The following CAPN2 variants were observed in gnomAD, a reference collection of about 807,000 sequenced individuals.
CAPN2 encodes calpain 2.
A neutral mutation model predicts 102.3 loss-of-function variants in CAPN2; 92 were observed. The observed-to-expected ratio is 0.90, with a 90% confidence interval of 0.76 to 1.07. The LOEUF (loss-of-function observed/expected upper bound fraction) is 1.07. Among genes scored for constraint, CAPN2 ranks in the 50% least tolerant of loss-of-function variants. The pLI is 0.00. For missense variants in CAPN2, 800 were observed against 909.4 expected (o/e 0.88, Z 1.55); for synonymous variants, 340 against 355.4 (o/e 0.96, Z 0.49).
rs1261026519 is a variant in CAPN2, at chr1:223,727,923, A to C, written c.307+10092A>C. On this transcript the variant is annotated intron_variant, in intron 2 of 20. Transcript: ENST00000295006. This position sits in a 1 kb window ranked among gnomAD's most constrained non-coding sequence, Gnocchi z 4.1. ...ACACATCAGCAGGGAGACAGTGGGAACATCTCAGGTCCAGGGTACCTTGGG... is the reference window on the plus strand; with the variant it reads ...ACACATCAGCAGGGAGACAGTGGGACCATCTCAGGTCCAGGGTACCTTGGG... Among the ~76,000 whole-genome samples, 1 of 152,118 alleles carries C rather than the reference A, an allele frequency of 6.6e-6. No homozygotes were observed. Among genetic ancestry groups the C allele is most frequent in the African/African-American group, 2.4e-5 (1 of 41,416 alleles).
rs1168186303 is a variant in CAPN2, at chr1:223,755,637, T to A, written c.1293T>A (p.Phe431Leu). 2 of 1,597,852 alleles carry A rather than the reference T, an allele frequency of 1.3e-6. No individual in the cohort carries two copies. The highest frequency in any genetic ancestry group is 3.4e-5 in the Admixed American group (2 of 59,070). Residue 431 changes from phenylalanine (F) to leucine (L), a missense_variant, in exon 10 of 21, where the codon TTT (phenylalanine) becomes TTA (leucine). By Grantham distance (22) the Phe-to-Leu change is conservative (BLOSUM62 0). Coordinates refer to ENST00000295006, the MANE Select transcript of CAPN2 (RefSeq NM_001748.5). This position sits in a 1 kb window ranked among gnomAD's most constrained non-coding sequence, Gnocchi z 4.1. ...GCGAGGACATGCACACCATCGGCTTTGGCATCTATGAGGTGCAGAGCGCAG... is the reference window on the plus strand; with the variant it reads ...GCGAGGACATGCACACCATCGGCTTAGGCATCTATGAGGTGCAGAGCGCAG... Reference protein sequence around the residue: ...KMGEDMHTIGFGIYEVPEELS... With the variant: ...KMGEDMHTIGLGIYEVPEELS...
intron 2 of CAPN2, among the ~76,000 whole-genome samples, chr1:223,736,129 C>T (rs1352765449): frequency 6.6e-6 from 1 of 152,164 alleles, no homozygotes; most frequent in African/African-American, 2.4e-5. Flanking sequence ...CAGAGTGCCC[C>T]GGTTCTGTCC....
intron 15 of CAPN2, among the ~76,000 whole-genome samples, chr1:223,764,628 AT>A (rs556370756): frequency 1.2e-3 from 178 of 152,216 alleles, no homozygotes; most frequent in Non-Finnish European, 1.8e-3. Context: ...TGACTTTTGT[AT>A]TTTTAGTAAA....
intron 2 of CAPN2, among the ~76,000 whole-genome samples, chr1:223,728,011 T>C (rs11580460): frequency 0.19 from 28,971 of 152,038 alleles, 3,297 homozygotes; most frequent in African/African-American, 0.33. Context: ...ATTCTCTTGC[T>C]GGCACCCCCA....
intron 8 of CAPN2, 104 bp downstream of exon 8, chr1:223,752,175 C>G: frequency 2.5e-6 from 2 of 784,420 alleles, no homozygotes; most frequent in Non-Finnish European, 4.3e-6. Flanking sequence ...TTTACCATGT[C>G]GAGGACACAA....
chr1:223,748,048 A>AGCCCCTGCCACCTGCT (rs911605098), intron 5 of CAPN2, among the ~76,000 whole-genome samples: 1 of 151,930 alleles, frequency 6.6e-6, no homozygotes, highest in Non-Finnish European at 1.5e-5. Context: ...GTTCCCTGGG[A>AGCCCCTGCCACCTGCT]GCCCCTGCCA....
intron 2 of CAPN2, among the ~76,000 whole-genome samples, chr1:223,736,063 C>G (rs7554290): frequency 6.6e-6 from 1 of 152,172 alleles, no homozygotes; most frequent in Non-Finnish European, 1.5e-5. Flanking sequence ...CAGGGTGAGC[C>G]ACCGCACCCA....
rs1246777597 is a variant in CAPN2, at chr1:223,759,054, A to T, written c.1318-216A>T. ...ACTGTACTGCTATTTTTTTAAAAAA[A>T]TTTTGTTGTTTTGTTGTTGTTGTCG... On this transcript the variant is annotated intron_variant, in intron 11 of 20. Transcript: ENST00000295006. This position sits in a 1 kb window ranked among gnomAD's most constrained non-coding sequence, Gnocchi z 4.6. 3 of 581,870 alleles carry T rather than the reference A, an allele frequency of 5.2e-6. No homozygotes were observed. The highest frequency in any genetic ancestry group is 6.1e-6 in the Non-Finnish European group (2 of 325,336). 36.0% of individuals were successfully genotyped at this position (581,870 alleles called of 1,614,324 possible). A position where few individuals can be genotyped will look rare whatever the true frequency, so the allele number is the denominator to read the frequency against.
intron 9 of CAPN2, among the ~76,000 whole-genome samples, chr1:223,753,427 GC>G (rs1459888070): frequency 6.6e-6 from 1 of 152,238 alleles, no homozygotes; most frequent in Admixed American, 6.5e-5. Context: ...ACTTCAATCA[GC>G]AAATGTTGAC....
chr1:223,746,536 G>A (rs894274296), intron 4 of CAPN2, among the ~76,000 whole-genome samples: 9 of 145,390 alleles, frequency 6.2e-5, no homozygotes, highest in African/African-American at 1.9e-4. Context: ...TGGAGTGAGC[G>A]GCATGATCTC....
chr1:223,759,823 C>T lies in CAPN2; in HGVS notation c.1529+342C>T, dbSNP rs990482399. On this transcript the variant is annotated intron_variant, in intron 12 of 20. Coordinates refer to ENST00000295006, the MANE Select transcript of CAPN2 (RefSeq NM_001748.5). The surrounding 1 kb of genome is among the most constrained non-coding windows in gnomAD (Gnocchi z 4.6). The stretch of plus-strand genomic sequence containing the variant: ...GTCTCGTCATTTGAAGAAAGCTGAG[C>T]AGTGCTGGTGTAATCCTTGATTTTC... 6.6e-6 allele frequency among the ~76,000 whole-genome samples: 1 copy of T among 152,200 alleles called. No homozygotes were observed. Among genetic ancestry groups the T allele is most frequent in the Admixed American group, 6.5e-5 (1 of 15,270 alleles).
rs375211874 is a variant in CAPN2 at position 223,720,756 on chromosome 1, C to G, written c.307+2925C>G. 6.6e-5 allele frequency among the ~76,000 whole-genome samples: 10 copies of G among 152,208 alleles called. No homozygotes were observed. The East Asian group carries it at 1.7e-3, about 26-fold the overall frequency. On this transcript the variant is annotated intron_variant, in intron 2 of 20. Coordinates refer to ENST00000295006, the MANE Select transcript of CAPN2 (RefSeq NM_001748.5). The stretch of plus-strand genomic sequence containing the variant: ...ATCTAAAGTAAATATTCTCACCTCA[C>G]TGTACAGATAAAAAAAAACTGAGCC...
At chr1:223,724,630 C>T (rs1660141822) in intron 2 of CAPN2, among the ~76,000 whole-genome samples, 1 of 152,220 alleles carries the variant, frequency 6.6e-6, no homozygotes, top group African/African-American at 2.4e-5. Flanking sequence ...AGCCTTTACT[C>T]TCCAAAGCGG....
chr1:223,775,183 A>AAAAAATATT lies in CAPN2; in HGVS notation c.*329_*330insAATATTAAA. The stretch of plus-strand genomic sequence containing the variant: ...CATAGCAATATTAAATCAGGAAAAA[A>AAAAAATATT]AAATGCAGGGAGGTATTTAACAGCT... On this transcript the variant is annotated 3_prime_UTR_variant, in exon 21 of 21. Coordinates refer to ENST00000295006, the MANE Select transcript of CAPN2 (RefSeq NM_001748.5). 4.0e-6 allele frequency: 1 copy of AAAAAATATT among 248,518 alleles called. No homozygotes were observed. Among genetic ancestry groups the AAAAAATATT allele is most frequent in the East Asian group, 8.2e-5 (1 of 12,204 alleles). The allele number at this position is 248,518 out of a possible 1,614,324, so 15.4% of individuals were successfully genotyped here.
chr1:223,749,048 G>C lies in CAPN2; in HGVS notation c.739G>C (p.Ala247Pro), dbSNP rs149026969. ...GTTGCTGTGTTTGCAGATCACCAGCGCCGCGGACTCGGAGGCCATCACGTT... is the reference window on the plus strand; with the variant it reads ...GTTGCTGTGTTTGCAGATCACCAGCCCCGCGGACTCGGAGGCCATCACGTT... ...LLGCSIDITS[A>P]ADSEAITFQK... is the part of the protein sequence containing the mutation. The change falls in exon 6 of 21, where the codon GCC (alanine) becomes CCC (proline). Residue 247 changes from alanine to proline, a missense_variant. Physicochemically the swap from Ala to Pro is conservative, Grantham distance 27. Coordinates refer to ENST00000295006, the MANE Select transcript of CAPN2 (RefSeq NM_001748.5). 22 of 1,613,896 alleles carry C rather than the reference G, an allele frequency of 1.4e-5. No homozygotes were observed. The African/African-American group carries it at 2.7e-4, about 20-fold the overall frequency.
chr1:223,764,837 C>T (rs1467451364), intron 15 of CAPN2, among the ~76,000 whole-genome samples: 1 of 152,216 alleles, frequency 6.6e-6, no homozygotes, highest in African/African-American at 2.4e-5. Flanking sequence ...ATCTGCCCAC[C>T]TCGGCCTCCC....
chr1:223,702,471 T>G lies in CAPN2; in HGVS notation c.3+640T>G, dbSNP rs74368320. ...AAGGAAAGGAAAAGAAAGAAAAAGATGGGAAGAAACAAAGGAAGGAAAATA... is the reference window on the plus strand; with the variant it reads ...AAGGAAAGGAAAAGAAAGAAAAAGAGGGGAAGAAACAAAGGAAGGAAAATA... On this transcript the variant is annotated intron_variant, in intron 1 of 20. Transcript: ENST00000433674. 1.4e-3 allele frequency among the ~76,000 whole-genome samples: 211 copies of G among 151,362 alleles called. 3 individuals are homozygous for G. The East Asian group carries it at 0.038, about 27-fold the overall frequency.
chr1:223,722,281 C>CTTTTTTTT (rs34894876), intron 2 of CAPN2, among the ~76,000 whole-genome samples: 129 of 85,464 alleles, frequency 1.5e-3, no homozygotes, highest in Non-Finnish European at 2.0e-3. Context: ...TTCTTTCTTT[C>CTTTTTTTT]TTTTTTTTTT....
At chr1:223,710,455 C>T (rs900629089), upstream of CAPN2, among the ~76,000 whole-genome samples, 7 of 152,106 alleles carry the variant, frequency 4.6e-5, no homozygotes, top group African/African-American at 1.7e-4. Context: ...TAAGCCTCCC[C>T]CTCCCCTACC....
Sources: allele counts gnomAD v4.1 joint callset (sites outside exome capture counted in the v4.1 genomes callset), GRCh38; gene constraint gnomAD v4.1.1; non-coding constraint Gnocchi (gnomAD v3.1); transcripts MANE v1.5; gene names NCBI Gene and HGNC (gene_info 2026-07-23, HGNC 2026-07-21).